The following OPN3 variants were observed in gnomAD, a reference collection of about 807,000 sequenced individuals.
OPN3 encodes the protein opsin 3.
In OPN3, 29 loss-of-function variants were observed where a neutral mutation model predicts 33.8. That is an observed-to-expected ratio of 0.86 (90% CI 0.64 to 1.17). The LOEUF (loss-of-function observed/expected upper bound fraction) is 1.17. Ranked by LOEUF, OPN3 falls within the 50% of genes most tolerant of loss-of-function variation. OPN3 has a pLI of 0.00. For synonymous variants in OPN3, 216 were observed against 216.1 expected (o/e 1.00, Z 0.00); for missense variants, 437 against 514.1 (o/e 0.85, Z 1.45).
chr1:241,625,718 T>C (rs1664403274), intron 1 of OPN3, among the ~76,000 whole-genome samples: 1 of 152,176 alleles, frequency 6.6e-6, no homozygotes, highest in Non-Finnish European at 1.5e-5. Context: ...CTATCAACAA[T>C]GACCCTGTTG....
At chr1:241,595,263 C>T (rs1443029768) in intron 3 of OPN3, 1 of 152,286 alleles carries the variant, frequency 6.6e-6, no homozygotes, top group African/African-American at 2.4e-5. Context: ...GGTACAACAT[C>T]GAATAATATT....
intron 1 of OPN3, among the ~76,000 whole-genome samples, chr1:241,638,994 CA>C (rs1432676875): frequency 1.3e-5 from 2 of 152,238 alleles, no homozygotes; most frequent in East Asian, 1.9e-4. Context: ...CTGAGGCACA[CA>C]AAAAAATAAT....
chr1:241,607,077 G>A (rs191548561), intron 1 of OPN3, among the ~76,000 whole-genome samples: 2 of 152,266 alleles, frequency 1.3e-5, no homozygotes, highest in East Asian at 1.9e-4. Flanking sequence ...GAGTTGGAGG[G>A]TGGGGAGCAA....
chr1:241,635,587 C>G (rs777799166), intron 1 of OPN3: 1 of 1,614,006 alleles, frequency 6.2e-7, no homozygotes, highest in Non-Finnish European at 8.5e-7. Context: ...GCTGATACTC[C>G]TTCAACCAGG....
chr1:241,603,515 T>G (rs1045928708), intron 2 of OPN3, among the ~76,000 whole-genome samples: 2 of 151,980 alleles, frequency 1.3e-5, no homozygotes, highest in Admixed American at 1.3e-4. Flanking sequence ...ACTACAGGCA[T>G]AGAGAAAATA....
At chr1:241,610,761 A>C (rs1397606036) in intron 1 of OPN3, among the ~76,000 whole-genome samples, 1 of 152,242 alleles carries the variant, frequency 6.6e-6, no homozygotes, top group Non-Finnish European at 1.5e-5. Context: ...TCCTGTATTC[A>C]ATTCCAGTTT....
chr1:241,638,513 T>C (rs1664989807), intron 1 of OPN3, among the ~76,000 whole-genome samples: 1 of 152,226 alleles, frequency 6.6e-6, no homozygotes, highest in African/African-American at 2.4e-5. Context: ...GATGATACTT[T>C]AGGCTTGGGC....
At chr1:241,618,206 A>G (rs963718144) in intron 1 of OPN3, among the ~76,000 whole-genome samples, 10 of 152,138 alleles carry the variant, frequency 6.6e-5, no homozygotes, top group Admixed American at 3.9e-4. Context: ...TTGATGTTCA[A>G]TTTAACACCT....
At chr1:241,622,858 C>T (rs762179572) in intron 1 of OPN3, among the ~76,000 whole-genome samples, 3 of 152,044 alleles carry the variant, frequency 2.0e-5, no homozygotes, top group African/African-American at 7.2e-5. Flanking sequence ...GCACTGGCTT[C>T]GAGCATAGTG....
chr1:241,626,198 G>A (rs1372630603), intron 1 of OPN3, among the ~76,000 whole-genome samples: 1 of 152,182 alleles, frequency 6.6e-6, no homozygotes, highest in East Asian at 1.9e-4. Context: ...GTGGTCCTCT[G>A]TTCCTCAGGT....
chr1:241,629,723 T>C (rs185672494), intron 1 of OPN3: 1 of 150,954 alleles, frequency 6.6e-6, no homozygotes, highest in Non-Finnish European at 1.5e-5. Context: ...TTTTAATTCA[T>C]TTGGAATATC....
chr1:241,625,828 A>G (rs1406244260), intron 1 of OPN3, among the ~76,000 whole-genome samples: 1 of 152,176 alleles, frequency 6.6e-6, no homozygotes, highest in East Asian at 1.9e-4. Context: ...CTTGGCGCTT[A>G]TCGATATTTG....
chr1:241,609,173 C>A (rs1338230731), intron 1 of OPN3, among the ~76,000 whole-genome samples: 1 of 152,154 alleles, frequency 6.6e-6, no homozygotes, highest in East Asian at 1.9e-4. Context: ...TCAAATGGTG[C>A]ATCCATTTCC....
intron 1 of OPN3, among the ~76,000 whole-genome samples, chr1:241,615,614 G>A (rs1395645814): frequency 6.6e-6 from 1 of 152,078 alleles, no homozygotes; most frequent in Non-Finnish European, 1.5e-5. Flanking sequence ...AATGACTGCT[G>A]TCAGCCATCT....
chr1:241,635,412 G>A (rs1339076779), intron 1 of OPN3: 1 of 1,613,876 alleles, frequency 6.2e-7, no homozygotes. Context: ...TTTTTCTGCA[G>A]AGCACCAATC....
intron 1 of OPN3, among the ~76,000 whole-genome samples, chr1:241,621,663 A>G (rs896707121): frequency 6.6e-6 from 1 of 152,146 alleles, no homozygotes; most frequent in Non-Finnish European, 1.5e-5. Context: ...GGGTTAAGTT[A>G]AAGGAAGGAG....
At chr1:241,607,691 GGGAA>G (rs34796413) in intron 1 of OPN3, among the ~76,000 whole-genome samples, 11,287 of 134,604 alleles carry the variant, frequency 0.084, 640 homozygotes, top group East Asian at 0.32. Context: ...AGAGAAAGGA[GGGAA>G]GGAAGGAAGG....
At chr1:241,620,904 T>C (rs1310207090) in intron 1 of OPN3, among the ~76,000 whole-genome samples, 1 of 152,154 alleles carries the variant, frequency 6.6e-6, no homozygotes, top group Non-Finnish European at 1.5e-5. Context: ...GAAGAAATGT[T>C]ATAAAGATAT....
chr1:241,602,507 G>T (rs1357213192), intron 2 of OPN3, among the ~76,000 whole-genome samples: 2 of 152,200 alleles, frequency 1.3e-5, no homozygotes, highest in East Asian at 3.9e-4. Context: ...CAGTTCTGGA[G>T]GCTGGGAAGT....
Sources: allele counts gnomAD v4.1 joint callset (sites outside exome capture counted in the v4.1 genomes callset), GRCh38; gene constraint gnomAD v4.1.1; transcripts MANE v1.5; gene names NCBI Gene and HGNC (gene_info 2026-07-23, HGNC 2026-07-21).